APBB2: variants seen among roughly 807,000 people sequenced by gnomAD.
The protein encoded by APBB2 is Fe65-like 1.
APBB2 carries 38 observed loss-of-function variants against 82.5 expected under a neutral mutation model. That is an observed-to-expected ratio of 0.46 (90% CI 0.36 to 0.60). The LOEUF is 0.60. Ranked by LOEUF, APBB2 falls within the 20% of genes least tolerant of loss-of-function variation. The pLI is 0.00. For missense variants in APBB2, 772 were observed against 972.3 expected (o/e 0.79, Z 2.74); for synonymous variants, 341 against 368.2 (o/e 0.93, Z 0.85).
chr4:40,862,655 T>C (rs1191197568), intron 12 of APBB2, among the ~76,000 whole-genome samples: 1 of 152,164 alleles, frequency 6.6e-6, no homozygotes, highest in Admixed American at 6.5e-5. Context: ...GGTCAGCAGT[T>C]CAAGACCAGC....
At chr4:41,133,058 T>C (rs116694337) in intron 2 of APBB2, among the ~76,000 whole-genome samples, 4,857 of 152,292 alleles carry the variant, frequency 0.032, 180 homozygotes, top group African/African-American at 0.089. Flanking sequence ...CCAGCATATA[T>C]ACCTTTTTTA....
chr4:40,971,472 T>C (rs1167018291), intron 6 of APBB2, among the ~76,000 whole-genome samples: 1 of 152,246 alleles, frequency 6.6e-6, no homozygotes, highest in African/African-American at 2.4e-5. Context: ...TACATCTTTA[T>C]GCAGAAGCAG....
intron 2 of APBB2, among the ~76,000 whole-genome samples, chr4:41,132,594 A>G (rs965691659): frequency 2.0e-5 from 3 of 152,254 alleles, no homozygotes; most frequent in East Asian, 1.9e-4. Context: ...AAACAAACTA[A>G]GCATAAAGGT....
intron 10 of APBB2, among the ~76,000 whole-genome samples, chr4:40,925,864 T>C (rs1782489638): frequency 6.6e-6 from 1 of 152,184 alleles, no homozygotes; most frequent in Non-Finnish European, 1.5e-5. Context: ...CACAGATAAA[T>C]AAAGCTCACA....
At chr4:41,092,886 T>A (rs949330518) in intron 3 of APBB2, among the ~76,000 whole-genome samples, 1 of 152,106 alleles carries the variant, frequency 6.6e-6, no homozygotes, top group Non-Finnish European at 1.5e-5. Context: ...TTTTAAGAGA[T>A]CCATTCTGCT....
At chr4:40,893,521 A>G (rs1772720235) in intron 10 of APBB2, 110 bp from the exon 11 acceptor site, 2 of 971,562 alleles carry the variant, frequency 2.1e-6, no homozygotes, top group Non-Finnish European at 2.9e-6. Context: ...ATGCACCTTT[A>G]TTTGCTTCAT....
intron 6 of APBB2, among the ~76,000 whole-genome samples, chr4:41,007,665 C>T (rs994133826): frequency 6.6e-6 from 1 of 152,156 alleles, no homozygotes; most frequent in East Asian, 1.9e-4. Context: ...CTATTTTATA[C>T]AAATTGTTAT....
chr4:40,905,670 C>G (rs1267152405), intron 10 of APBB2, among the ~76,000 whole-genome samples: 1 of 152,194 alleles, frequency 6.6e-6, no homozygotes, highest in East Asian at 1.9e-4. Context: ...TTTATAGGAA[C>G]CACTGATGTG....
At chr4:41,119,978 T>C (rs1017393941) in intron 2 of APBB2, among the ~76,000 whole-genome samples, 1 of 152,248 alleles carries the variant, frequency 6.6e-6, no homozygotes, top group African/African-American at 2.4e-5. Context: ...TTGTGTTCCA[T>C]GCTGTAATTT....
At chr4:40,965,412 G>A (rs752267291) in intron 6 of APBB2, among the ~76,000 whole-genome samples, 2 of 152,100 alleles carry the variant, frequency 1.3e-5, no homozygotes, top group African/African-American at 4.8e-5. Context: ...GGGGCCCAAG[G>A]CTCTGAAAAG....
chr4:40,835,539 C>A (rs1224575738), intron 12 of APBB2, among the ~76,000 whole-genome samples: 1 of 152,206 alleles, frequency 6.6e-6, no homozygotes. Context: ...CAGTTGTTTG[C>A]GAGAACTCCC....
chr4:40,876,100 C>G (rs1317933440), intron 12 of APBB2, among the ~76,000 whole-genome samples: 1 of 152,192 alleles, frequency 6.6e-6, no homozygotes, highest in African/African-American at 2.4e-5. Flanking sequence ...GATTCTCAGC[C>G]TTTCTTAGGT....
intron 2 of APBB2, among the ~76,000 whole-genome samples, chr4:41,137,403 T>A (rs538548477): frequency 1.3e-5 from 2 of 152,324 alleles, no homozygotes; most frequent in South Asian, 4.1e-4. Flanking sequence ...AAGTCATATA[T>A]ATAGTAATCT....
chr4:41,100,068 GTC>G (rs979252368), intron 3 of APBB2, among the ~76,000 whole-genome samples: 1 of 152,086 alleles, frequency 6.6e-6, no homozygotes, highest in Non-Finnish European at 1.5e-5. Flanking sequence ...TTCAACAAGT[GTC>G]TCAATTAGAA....
At chr4:40,847,480 AACACCTTG>A (rs1365150643) in intron 12 of APBB2, among the ~76,000 whole-genome samples, 1 of 152,124 alleles carries the variant, frequency 6.6e-6, no homozygotes, top group Non-Finnish European at 1.5e-5. Flanking sequence ...AACAACACGA[AACACCTTG>A]ACACCAGAAG....
Position 40,813,124 on chromosome 4 carries a change from G to A in APBB2, c.*2968C>T, listed in dbSNP as rs114737743. ...AAATAAAAGGAACTTTAAGCATTTTGCCTTTTCTTCTACATATCCCAATAG... is the reference window on the plus strand; with the variant it reads ...AAATAAAAGGAACTTTAAGCATTTTACCTTTTCTTCTACATATCCCAATAG... On this transcript the variant is annotated 3_prime_UTR_variant, in exon 18 of 18. Coordinates refer to ENST00000508593, the MANE Select transcript of APBB2 (RefSeq NM_004307.2). 1 of 152,098 alleles carries A rather than the reference G, an allele frequency of 6.6e-6. No homozygotes were observed. 9.4% of individuals were successfully genotyped at this position (152,098 alleles called of 1,614,324 possible).
rs184074763 is a variant in APBB2 at position 40,892,144 on chromosome 4, T to C, written c.1401+1121A>G. Among the ~76,000 whole-genome samples, 371 of 152,196 alleles carry C rather than the reference T, an allele frequency of 2.4e-3. 2 individuals are homozygous for C. The highest frequency in any genetic ancestry group is 5.8e-3 in the Admixed American group (89 of 15,296). ...TTTTGTATTTTTAGTAGAGACAGGG[T>C]TTCACCATGTTGGCCAGGCTGGTCT... On this transcript the variant is annotated intron_variant, in intron 11 of 17. Coordinates refer to ENST00000508593, the MANE Select transcript of APBB2 (RefSeq NM_004307.2).
Position 40,880,192 on chromosome 4 carries a change from T to C in APBB2, c.1529+10172A>G. ...GGAAGAGGCACAATTACATTGCAAA[T>C]GGTGAGATTCCTACTCCAGTGTTCC... On this transcript the variant is annotated intron_variant, in intron 12 of 17. Coordinates refer to ENST00000508593, the MANE Select transcript of APBB2 (RefSeq NM_004307.2). The C allele has an allele frequency of 3.0e-6, 3 of 985,362 alleles. No individual in the cohort carries two copies. The South Asian group carries it at 1.4e-4, about 46-fold the overall frequency. The allele number at this position is 985,362 out of a possible 1,614,324, so 61.0% of individuals were successfully genotyped here.
At chr4:40,849,617 C>T (rs1758668924) in intron 12 of APBB2, among the ~76,000 whole-genome samples, 1 of 152,070 alleles carries the variant, frequency 6.6e-6, no homozygotes, top group African/African-American at 2.4e-5. Context: ...TTTGGGGAGC[C>T]CACAAAGCAT....
Sources: gnomAD v4.1 joint callset for allele counts (sites outside exome capture counted in the v4.1 genomes callset) on GRCh38, gnomAD v4.1.1 for gene constraint, MANE v1.5 for transcripts, NCBI Gene and HGNC (gene_info 2026-07-23, HGNC 2026-07-21) for gene names.